The following RBFOX1 variants were observed in gnomAD, a reference collection of about 807,000 sequenced individuals.
The protein encoded by RBFOX1 is RNA binding fox-1 homolog 1.
In RBFOX1, 8 loss-of-function variants were observed where a neutral mutation model predicts 57.7. The ratio of observed to expected loss-of-function variants is 0.14; its 90% CI spans 0.08 to 0.25. RBFOX1 has a LOEUF of 0.25. RBFOX1 is among the 10% of genes least tolerant of loss of function. The pLI is 1.00. For missense variants in RBFOX1, 611 were observed against 548.5 expected (o/e 1.11, Z -1.14); for synonymous variants, 326 against 222.4 (o/e 1.47, Z -4.15).
chr16:7,711,079 C>T lies in RBFOX1; in HGVS notation c.*334C>T, dbSNP rs531254629. 1.3e-4 allele frequency: 24 copies of T among 189,092 alleles called. No homozygotes were observed. The East Asian group carries it at 3.0e-3, about 23-fold the overall frequency. 11.7% of individuals were successfully genotyped at this position (189,092 alleles called of 1,614,324 possible). ...ATATTATGTAAATGAATTATATATG[C>T]TGAATATTAAGCTACTGGGGTTATC... is the stretch of plus-strand genomic sequence containing the variant. On this transcript the variant is annotated 3_prime_UTR_variant, in exon 16 of 16. Transcript: ENST00000550418.
chr16:7,306,826 TAA>T (rs2096200337), intron 4 of RBFOX1, among the ~76,000 whole-genome samples: 1 of 152,166 alleles, frequency 6.6e-6, no homozygotes, highest in Admixed American at 6.5e-5. Flanking sequence ...ATCGGCTGAT[TAA>T]GAGTGTGAAA....
chr16:7,375,972 A>T (rs2097678766), intron 4 of RBFOX1, among the ~76,000 whole-genome samples: 2 of 152,240 alleles, frequency 1.3e-5, no homozygotes. Context: ...AGCCATTGGT[A>T]GGCCAAACCC....
chr16:7,582,923 G>A (rs2093887306), intron 6 of RBFOX1, among the ~76,000 whole-genome samples: 1 of 152,170 alleles, frequency 6.6e-6, no homozygotes, highest in Admixed American at 6.5e-5. Flanking sequence ...ACTTGGCAGT[G>A]ATCATTACAA....
intron 1 of RBFOX1, among the ~76,000 whole-genome samples, chr16:5,363,268 C>A (rs2065607014): frequency 6.6e-6 from 1 of 150,460 alleles, no homozygotes; most frequent in Admixed American, 6.6e-5. Flanking sequence ...CGGTCTTGAA[C>A]TCCTGGCCTC....
At chr16:6,243,857 G>A (rs1360499285) in intron 1 of RBFOX1, among the ~76,000 whole-genome samples, 2 of 152,134 alleles carry the variant, frequency 1.3e-5, no homozygotes, top group East Asian at 3.9e-4. Flanking sequence ...CATCCAGAGG[G>A]GAGTATATCT....
chr16:7,658,000 C>T (rs1015754783), intron 12 of RBFOX1, among the ~76,000 whole-genome samples: 28 of 152,298 alleles, frequency 1.8e-4, no homozygotes, highest in African/African-American at 5.5e-4. Context: ...GCTTACTTAA[C>T]GTCTATAGAC....
At chr16:5,414,096 A>G (rs560782985) in intron 1 of RBFOX1, among the ~76,000 whole-genome samples, 3 of 152,138 alleles carry the variant, frequency 2.0e-5, no homozygotes, top group Non-Finnish European at 4.4e-5. Flanking sequence ...CTCAATGATG[A>G]GATAAAGGGG....
At chr16:7,178,820 T>G (rs956683834) in intron 4 of RBFOX1, among the ~76,000 whole-genome samples, 1 of 152,216 alleles carries the variant, frequency 6.6e-6, no homozygotes, top group Non-Finnish European at 1.5e-5. Flanking sequence ...TCACACCTGT[T>G]ATTCTGCAAG....
At chr16:6,565,036 A>T (rs2097240019) in intron 2 of RBFOX1, among the ~76,000 whole-genome samples, 1 of 151,262 alleles carries the variant, frequency 6.6e-6, no homozygotes. Flanking sequence ...GGGGAGACTA[A>T]ACAAGAATTG....
At chr16:7,127,849 T>C (rs369909435) in intron 4 of RBFOX1, among the ~76,000 whole-genome samples, 2 of 152,246 alleles carry the variant, frequency 1.3e-5, no homozygotes, top group African/African-American at 4.8e-5. Context: ...ATAAGGACTT[T>C]ATTAAGCAGC....
intron 1 of RBFOX1, among the ~76,000 whole-genome samples, chr16:6,183,911 T>C (rs1042971850): frequency 6.6e-6 from 1 of 152,086 alleles, no homozygotes; most frequent in Non-Finnish European, 1.5e-5. Flanking sequence ...CATTGGAGGA[T>C]GTATTAGTCC....
intron 3 of RBFOX1, among the ~76,000 whole-genome samples, chr16:5,727,882 G>A (rs916728341): frequency 1.3e-5 from 2 of 152,090 alleles, no homozygotes; most frequent in South Asian, 4.1e-4. Flanking sequence ...TAGAGATAGA[G>A]TCTGTGTTGC....
intron 4 of RBFOX1, among the ~76,000 whole-genome samples, chr16:6,010,238 A>C (rs574422620): frequency 3.3e-4 from 51 of 152,286 alleles, no homozygotes; most frequent in African/African-American, 1.1e-3. Context: ...CCCATGTCCA[A>C]GGAAGGCTGT....
chr16:6,810,474 C>G (rs2088209813), intron 3 of RBFOX1, among the ~76,000 whole-genome samples: 1 of 152,102 alleles, frequency 6.6e-6, no homozygotes, highest in Non-Finnish European at 1.5e-5. Flanking sequence ...ATTTTCCGTT[C>G]ATGGCACCGT....
At chr16:6,907,747 A>G (rs1048363678) in intron 3 of RBFOX1, among the ~76,000 whole-genome samples, 1 of 151,280 alleles carries the variant, frequency 6.6e-6, no homozygotes, top group Non-Finnish European at 1.5e-5. Context: ...ATTTTTTTGC[A>G]TTTTTTAGTA....
At chr16:7,098,128 T>C (rs7194315) in intron 4 of RBFOX1, among the ~76,000 whole-genome samples, 53,000 of 152,068 alleles carry the variant, frequency 0.35, 9,556 homozygotes, top group South Asian at 0.39. Flanking sequence ...AATTAGTTAA[T>C]GGAAGATGGA....
At chr16:5,649,197 T>C (rs1214537841) in intron 3 of RBFOX1, among the ~76,000 whole-genome samples, 2 of 152,062 alleles carry the variant, frequency 1.3e-5, no homozygotes, top group Non-Finnish European at 2.9e-5. Flanking sequence ...TGTTTTGAGA[T>C]GGAGTCTTTC....
At chr16:5,486,625 C>G (rs1036175758) in intron 2 of RBFOX1, among the ~76,000 whole-genome samples, 1 of 152,156 alleles carries the variant, frequency 6.6e-6, no homozygotes, top group African/African-American at 2.4e-5. Context: ...ACATCTCTTT[C>G]TTCCCCCATT....
chr16:6,503,460 G>C (rs563797451), intron 2 of RBFOX1, among the ~76,000 whole-genome samples: 1 of 152,130 alleles, frequency 6.6e-6, no homozygotes, highest in East Asian at 1.9e-4. Context: ...TGGACCATGT[G>C]GGCTGTGCTC....
Sources: allele counts gnomAD v4.1 joint callset (sites outside exome capture counted in the v4.1 genomes callset), GRCh38; gene constraint gnomAD v4.1.1; transcripts MANE v1.5; gene names NCBI Gene and HGNC (gene_info 2026-07-23, HGNC 2026-07-21).